The following KCNG3 variants were observed in gnomAD, a reference collection of about 807,000 sequenced individuals.
KCNG3 encodes voltage-gated potassium channel regulatory subunit KCNG3.
KCNG3 carries 15 observed loss-of-function variants against 29.0 expected under a neutral mutation model. The observed-to-expected ratio is 0.52, with a 90% CI of 0.35 to 0.80. The LOEUF is 0.80. Among genes scored for constraint, KCNG3 ranks in the 30% least tolerant of loss-of-function variants. The pLI, the probability that KCNG3 is intolerant of heterozygous loss-of-function variation, is 0.01. For missense variants in KCNG3, 512 were observed against 605.7 expected, an observed-to-expected ratio of 0.85 and a Z score of 1.62; for synonymous variants, 322 against 248.9, an observed-to-expected ratio of 1.29 and a Z score of -2.76.
the KCNG3 span, among the ~76,000 whole-genome samples, chr2:42,422,385 G>A: frequency 6.6e-6 from 1 of 152,102 alleles, no homozygotes; most frequent in African/African-American, 2.4e-5. Context: ...CCTCACCAGA[G>A]GGCCTTCAAT....
intron 1 of KCNG3, among the ~76,000 whole-genome samples, chr2:42,449,098 C>T (rs1454683767): frequency 6.6e-6 from 1 of 151,964 alleles, no homozygotes; most frequent in South Asian, 2.1e-4. Flanking sequence ...TGTGGGGGGT[C>T]CTGGAACCAA....
chr2:42,491,794 G>A (rs1572870692), intron 1 of KCNG3, among the ~76,000 whole-genome samples: 5 of 152,306 alleles, frequency 3.3e-5, no homozygotes, highest in African/African-American at 9.6e-5. Context: ...CAATAGCAAG[G>A]CCGCCGTTCC....
chr2:42,424,452 A>C, the KCNG3 span, among the ~76,000 whole-genome samples: 276 of 149,896 alleles, frequency 1.8e-3, 1 homozygote, highest in Non-Finnish European at 2.0e-3. Context: ...AAAAAAAAAA[A>C]CCCAAAACAT....
chr2:42,431,507 G>T, the KCNG3 span, among the ~76,000 whole-genome samples: 1 of 152,140 alleles, frequency 6.6e-6, no homozygotes, highest in South Asian at 2.1e-4. Flanking sequence ...CAAAATTAGA[G>T]AACTGTAAGT....
the KCNG3 span, among the ~76,000 whole-genome samples, chr2:42,426,758 T>A: frequency 2.0e-5 from 3 of 152,212 alleles, no homozygotes; most frequent in African/African-American, 7.2e-5. Flanking sequence ...AGGGACTTTA[T>A]CAGACTTAAA....
At chr2:42,419,219 C>CTTTTTTTTTTTTTTTTTTTTTT in the KCNG3 span, among the ~76,000 whole-genome samples, 2 of 27,736 alleles carry the variant, frequency 7.2e-5, 1 homozygote, top group Non-Finnish European at 1.3e-4. Flanking sequence ...GATGGTATCT[C>CTTTTTTTTTTTTTTTTTTTTTT]TTTTTTTTTT....
At chr2:42,482,022 C>T (rs1013971745) in intron 1 of KCNG3, among the ~76,000 whole-genome samples, 1 of 152,174 alleles carries the variant, frequency 6.6e-6, no homozygotes, top group Non-Finnish European at 1.5e-5. Flanking sequence ...TGGGATCTCA[C>T]TATGTTGCCC....
the KCNG3 span, among the ~76,000 whole-genome samples, chr2:42,432,162 T>C: frequency 6.8e-4 from 104 of 152,312 alleles, no homozygotes; most frequent in African/African-American, 2.4e-3. Flanking sequence ...CATCTCTGTA[T>C]ACCCCACAGT....
the KCNG3 span, among the ~76,000 whole-genome samples, chr2:42,393,595 G>T: frequency 2.0e-5 from 3 of 151,888 alleles, no homozygotes; most frequent in Non-Finnish European, 4.4e-5. Flanking sequence ...AACATAAGAA[G>T]TTCAGAGCTG....
At chr2:42,431,803 C>T in the KCNG3 span, among the ~76,000 whole-genome samples, 4 of 152,204 alleles carry the variant, frequency 2.6e-5, no homozygotes, top group East Asian at 3.9e-4. Context: ...TTCGGGAGGC[C>T]GACGTGGGCG....
the KCNG3 span, among the ~76,000 whole-genome samples, chr2:42,407,917 T>C: frequency 2.6e-5 from 4 of 152,150 alleles, no homozygotes; most frequent in Non-Finnish European, 5.9e-5. Flanking sequence ...CCTACACTCT[T>C]GGGGGCCCAG....
rs143577852 is a variant in KCNG3 at position 42,481,369 on chromosome 2, G to A, written c.665+11468C>T. ...CTCAAGGAAGTCCTTGACCATCCAG[G>A]AGAAACCAAATACCAGTACCAAAGG... On this transcript the variant is annotated intron_variant, in intron 1 of 1. Coordinates refer to ENST00000306078, the MANE Select transcript of KCNG3 (RefSeq NM_133329.6). Among the ~76,000 whole-genome samples, 70 of 152,228 alleles carry A rather than the reference G, an allele frequency of 4.6e-4. No individual in the cohort carries two copies. In the East Asian group the frequency reaches 9.7e-3, roughly 21 times the overall value.
At chr2:42,393,130 T>C in the KCNG3 span, among the ~76,000 whole-genome samples, 10 of 152,124 alleles carry the variant, frequency 6.6e-5, no homozygotes, top group African/African-American at 1.2e-4. Context: ...ACCTGCTTCA[T>C]AGAGTTGGTA....
chr2:42,399,661 G>A, the KCNG3 span, among the ~76,000 whole-genome samples: 1 of 152,202 alleles, frequency 6.6e-6, no homozygotes, highest in African/African-American at 2.4e-5. Flanking sequence ...AAGGGTAAGA[G>A]TGTGGAGACA....
At chr2:42,463,677 C>A in intron 1 of KCNG3, 1 of 178,140 alleles carries the variant, frequency 5.6e-6, no homozygotes, top group Admixed American at 6.3e-5. Flanking sequence ...TTTTTCCCCC[C>A]AGCATTAGGT....
At chr2:42,430,837 T>A in the KCNG3 span, among the ~76,000 whole-genome samples, 95 of 150,998 alleles carry the variant, frequency 6.3e-4, no homozygotes, top group Non-Finnish European at 1.1e-3. Context: ...AGGCCAGGAG[T>A]GGTGGCTCAC....
intron 1 of KCNG3, chr2:42,463,882 A>C (rs1465181816): frequency 3.4e-6 from 1 of 292,902 alleles, no homozygotes; most frequent in Non-Finnish European, 6.8e-6. Context: ...TGTAAATTCT[A>C]ATCCCTTCTC....
chr2:42,444,060 G>A lies in KCNG3; in HGVS notation c.1185C>T (p.Val395=). Residue 395 remains valine, a synonymous_variant, in exon 2 of 2, where the codon GTC becomes GTT. Coordinates refer to ENST00000306078, the MANE Select transcript of KCNG3 (RefSeq NM_133329.6). This position sits in a 1 kb window ranked among gnomAD's most constrained non-coding sequence, Gnocchi z 5.8. ...PGRILGGVCV[V]SGIVLLALPI... ...GTAATGCCAATAGAACAATTCCACT[G>A]ACAACACAAACTCCTCCAAGAATTC... 6.2e-7 allele frequency: 1 copy of A among 1,614,152 alleles called. No homozygotes were observed. The highest frequency in any genetic ancestry group is 8.5e-7 in the Non-Finnish European group (1 of 1,180,028).
At chr2:42,434,666 C>CAAAAAAAAAAAAAAAAAAAAAAAAAAA in the KCNG3 span, among the ~76,000 whole-genome samples, 2 of 64,696 alleles carry the variant, frequency 3.1e-5, no homozygotes, top group Non-Finnish European at 2.7e-5. Context: ...AACTCCATCT[C>CAAAAAAAAAAAAAAAAAAAAAAAAAAA]AAAAAAAAAA....
Sources: allele counts gnomAD v4.1 joint callset (sites outside exome capture counted in the v4.1 genomes callset), GRCh38; gene constraint gnomAD v4.1.1; non-coding constraint Gnocchi (gnomAD v3.1); transcripts MANE v1.5; gene names NCBI Gene and HGNC (gene_info 2026-07-23, HGNC 2026-07-21).